The following AGAP1 variants were observed in gnomAD, a reference collection of about 807,000 sequenced individuals.
AGAP1 encodes the protein arf-GAP with GTPase, ANK repeat and PH domain-containing protein 1.
In AGAP1, 29 loss-of-function variants were observed where a neutral mutation model predicts 105.3. That is an observed-to-expected ratio of 0.28 (90% CI 0.21 to 0.38). The LOEUF (loss-of-function observed/expected upper bound fraction) is 0.38, where lower values mean the gene tolerates loss of function less well. Among genes scored for constraint, AGAP1 ranks in the 10% least tolerant of loss-of-function variants. The pLI is 1.00. For missense variants in AGAP1, 998 were observed against 1,165.1 expected, an observed-to-expected ratio of 0.86 and a Z score of 2.09; for synonymous variants, 509 against 485.9, an observed-to-expected ratio of 1.05 and a Z score of -0.63.
At chr2:235,984,459 A>T (rs1282243590) in intron 13 of AGAP1, among the ~76,000 whole-genome samples, 1 of 148,600 alleles carries the variant, frequency 6.7e-6, no homozygotes, top group Non-Finnish European at 1.5e-5. Flanking sequence ...TTTTCAAGGA[A>T]CCACCAAATT....
intron 11 of AGAP1, among the ~76,000 whole-genome samples, chr2:235,918,338 A>G (rs1015758760): frequency 1.3e-5 from 2 of 152,230 alleles, no homozygotes; most frequent in Non-Finnish European, 1.5e-5. Context: ...TGCTTTCATA[A>G]ACCAGGTTTT....
intron 16 of AGAP1, among the ~76,000 whole-genome samples, chr2:236,088,142 C>T (rs1354100684): frequency 2.0e-5 from 3 of 152,192 alleles, no homozygotes; most frequent in African/African-American, 7.2e-5. Context: ...GGCTCCAGGA[C>T]ACCTAGGCAC....
At position 235,596,822 on chromosome 2, in the gene AGAP1, T is replaced by G. The variant is rs563572987; in HGVS notation, c.163+101973T>G. Among the ~76,000 whole-genome samples, 9 of 152,196 alleles carry G rather than the reference T, an allele frequency of 5.9e-5. No homozygotes were observed. Among genetic ancestry groups the G allele is most frequent in the Admixed American group, 5.2e-4 (8 of 15,288 alleles). The stretch of plus-strand genomic sequence containing the variant: ...TCCCTGCAACCCCGTGTGATGGTAT[T>G]AGGAGGTGGGTCTGTGGGAGGTATC... On this transcript the variant is annotated intron_variant, in intron 1 of 17. Transcript: ENST00000304032. This position sits in a 1 kb window ranked among gnomAD's most constrained non-coding sequence, Gnocchi z 5.9.
chr2:235,512,451 C>T (rs1942188473), intron 1 of AGAP1, among the ~76,000 whole-genome samples: 1 of 152,064 alleles, frequency 6.6e-6, no homozygotes, highest in South Asian at 2.1e-4. Context: ...ACAAAACACC[C>T]AGGTGTGTTG....
chr2:235,720,757 A>G lies in AGAP1; in HGVS notation c.310+3113A>G, dbSNP rs1951341623. ...CATAATCCTGACCCGTGGCTGGGAT[A>G]TGTAGACTGCTGGGAGGGGTGAGGG... On this transcript the variant is annotated intron_variant, in intron 3 of 17. Transcript: ENST00000304032. This position sits in a 1 kb window ranked among gnomAD's most constrained non-coding sequence, Gnocchi z 5.0. 1.0e-6 allele frequency: 1 copy of G among 969,630 alleles called. No homozygotes were observed. Among genetic ancestry groups the G allele is most frequent in the Non-Finnish European group, 1.2e-6 (1 of 815,666 alleles). The allele number at this position is 969,630 out of a possible 1,614,324, so 60.1% of individuals were successfully genotyped here. A position where few individuals can be genotyped will look rare whatever the true frequency, so the allele number is the denominator to read the frequency against.
chr2:235,822,566 G>T (rs1575556653), intron 9 of AGAP1, among the ~76,000 whole-genome samples: 1 of 151,178 alleles, frequency 6.6e-6, no homozygotes, highest in Admixed American at 6.6e-5. Flanking sequence ...GGAGGAGCTG[G>T]AGAAGCCCAA....
chr2:235,791,100 T>G (rs1341474961), intron 6 of AGAP1, among the ~76,000 whole-genome samples: 2 of 152,256 alleles, frequency 1.3e-5, no homozygotes, highest in Non-Finnish European at 2.9e-5. Flanking sequence ...ATTTAGGAGA[T>G]GGGCTTGAAT....
At position 235,589,821 on chromosome 2, in the gene AGAP1, TAG is replaced by T. The variant is rs35844164; in HGVS notation, c.163+94989_163+94990del. Among the ~76,000 whole-genome samples, 140 of 147,976 alleles carry T rather than the reference TAG, an allele frequency of 9.5e-4. 1 individual carries two copies. Among genetic ancestry groups the T allele is most frequent in the Non-Finnish European group, 5.2e-4 (35 of 66,798 alleles). On this transcript the variant is annotated intron_variant, in intron 1 of 17. Coordinates refer to ENST00000304032, the MANE Select transcript of AGAP1 (RefSeq NM_001037131.3). Reference sequence around the variant, plus strand: ...TGGGGTAGCCAGAATTCAGAGCATCTAGAGAGAGAGAGAGAGAGGCTCACCTC... The same window carrying T: ...TGGGGTAGCCAGAATTCAGAGCATCTAGAGAGAGAGAGAGAGGCTCACCTC...
chr2:235,532,776 C>G (rs986038239), intron 1 of AGAP1, among the ~76,000 whole-genome samples: 1 of 152,184 alleles, frequency 6.6e-6, no homozygotes, highest in Non-Finnish European at 1.5e-5. Flanking sequence ...TCAGCTTACC[C>G]TTTGTTTGGT....
intron 16 of AGAP1, among the ~76,000 whole-genome samples, chr2:236,112,015 C>G (rs763343248): frequency 1.1e-4 from 17 of 152,146 alleles, no homozygotes; most frequent in Non-Finnish European, 2.4e-4. Flanking sequence ...ACGTGGTCTT[C>G]CCTCGGGCTT....
chr2:235,693,145 G>A (rs1257059599), intron 1 of AGAP1, among the ~76,000 whole-genome samples: 1 of 152,186 alleles, frequency 6.6e-6, no homozygotes, highest in Non-Finnish European at 1.5e-5. Context: ...TGTGCAGAAT[G>A]TTTCCTGCAG....
chr2:235,564,539 G>T lies in AGAP1; in HGVS notation c.163+69690G>T, dbSNP rs185343172. ...CCACTTTTCATCCAGTTCACATGTAGTTGAGGGCCTGCCTGCCTTGAGCCT... is the reference window on the plus strand; with the variant it reads ...CCACTTTTCATCCAGTTCACATGTATTTGAGGGCCTGCCTGCCTTGAGCCT... On this transcript the variant is annotated intron_variant, in intron 1 of 17. Coordinates refer to ENST00000304032, the MANE Select transcript of AGAP1 (RefSeq NM_001037131.3). Among the ~76,000 whole-genome samples, 532 of 152,342 alleles carry T rather than the reference G, an allele frequency of 3.5e-3. 3 individuals are homozygous for T. The highest frequency in any genetic ancestry group is 0.011 in the African/African-American group (443 of 41,566).
At chr2:235,998,461 A>G (rs1315280277) in intron 13 of AGAP1, among the ~76,000 whole-genome samples, 1 of 152,150 alleles carries the variant, frequency 6.6e-6, no homozygotes, top group African/African-American at 2.4e-5. Flanking sequence ...CTTACCCCTG[A>G]AAGCTGTGGG....
At chr2:235,498,328 C>G (rs1035578203) in intron 1 of AGAP1, among the ~76,000 whole-genome samples, 1 of 151,892 alleles carries the variant, frequency 6.6e-6, no homozygotes, top group South Asian at 2.1e-4. Context: ...ACCCCCAAAT[C>G]ACTAGAGTTT....
chr2:235,977,018 C>T lies in AGAP1; in HGVS notation c.1645+8395C>T, dbSNP rs1377293027. ...GAAAAATGCTGACTACTCACAAGGT[C>T]CCTTTCTAAGATACAGAAATGTGAC... On this transcript the variant is annotated intron_variant, in intron 13 of 17. Coordinates refer to ENST00000304032, the MANE Select transcript of AGAP1 (RefSeq NM_001037131.3). This position sits in a 1 kb window ranked among gnomAD's most constrained non-coding sequence, Gnocchi z 5.2. Among the ~76,000 whole-genome samples, 2 of 152,182 alleles carry T rather than the reference C, an allele frequency of 1.3e-5. No individual in the cohort carries two copies. The highest frequency in any genetic ancestry group is 4.8e-5 in the African/African-American group (2 of 41,424).
At chr2:235,528,700 G>A (rs960966987) in intron 1 of AGAP1, among the ~76,000 whole-genome samples, 10 of 152,094 alleles carry the variant, frequency 6.6e-5, no homozygotes, top group Admixed American at 3.3e-4. Flanking sequence ...TTGAGAAGAC[G>A]GAGTTTCGCT....
At chr2:235,745,850 A>G (rs1454016772) in intron 5 of AGAP1, among the ~76,000 whole-genome samples, 1 of 152,238 alleles carries the variant, frequency 6.6e-6, no homozygotes. Context: ...TTTTCCAGCC[A>G]GACGTGGTGG....
chr2:235,512,995 C>T (rs1942214809), intron 1 of AGAP1, among the ~76,000 whole-genome samples: 1 of 152,246 alleles, frequency 6.6e-6, no homozygotes, highest in African/African-American at 2.4e-5. Flanking sequence ...CTGGGCACTC[C>T]TGGTTCTGGT....
intron 1 of AGAP1, among the ~76,000 whole-genome samples, chr2:235,528,644 C>T (rs1263774913): frequency 6.6e-6 from 1 of 152,056 alleles, no homozygotes; most frequent in South Asian, 2.1e-4. Context: ...ACCTCTCCAG[C>T]CTTCTCTTGT....
Sources: allele counts gnomAD v4.1 joint callset (sites outside exome capture counted in the v4.1 genomes callset), GRCh38; gene constraint gnomAD v4.1.1; non-coding constraint Gnocchi (gnomAD v3.1); transcripts MANE v1.5; gene names NCBI Gene and HGNC (gene_info 2026-07-23, HGNC 2026-07-21).